WEE1: variants seen among roughly 807,000 people sequenced by gnomAD.
WEE1 encodes the protein wee1-like protein kinase.
A neutral mutation model predicts 68.8 loss-of-function variants in WEE1; 16 were observed. That is an observed-to-expected ratio of 0.23 (90% confidence interval 0.16 to 0.35). The LOEUF (loss-of-function observed/expected upper bound fraction) is 0.35. Ranked by LOEUF, WEE1 falls within the 10% of genes least tolerant of loss-of-function variation. WEE1 has a pLI of 1.00. For synonymous variants in WEE1, 349 were observed against 318.7 expected, an observed-to-expected ratio of 1.09 and a Z score of -1.01; for missense variants, 651 against 824.1, an observed-to-expected ratio of 0.79 and a Z score of 2.57.
chr11:9,581,797 C>CCTTA, intron 6 of WEE1, 119 bp downstream of exon 6: 3 of 1,005,964 alleles, frequency 3.0e-6, no homozygotes, highest in Non-Finnish European at 4.2e-6. Flanking sequence ...TTTTAAAAGG[C>CCTTA]CTTAGATCCA....
chr11:9,577,357 TTTATC>T (rs1429865685), intron 5 of WEE1, 94 bp downstream of exon 5: 37 of 1,437,576 alleles, frequency 2.6e-5, no homozygotes, highest in Non-Finnish European at 3.3e-5. Flanking sequence ...TTCTGTCACT[TTTATC>T]TTTTATAAAT....
rs1476986544 is a variant in WEE1 at position 9,574,801 on chromosome 11, A to C, written c.576+292A>C. ...GAGTCCGGGCCGCCCCGAGCGTGTC[A>C]GCCCCGAGTGCGGCACCGATAACGC... On this transcript the variant is annotated intron_variant, in intron 1 of 10. Coordinates refer to ENST00000450114, the MANE Select transcript of WEE1 (RefSeq NM_003390.4). The surrounding 1 kb of genome is among the most constrained non-coding windows in gnomAD (Gnocchi z 4.9). 5.0e-6 allele frequency: 5 copies of C among 1,002,902 alleles called. No individual in the cohort carries two copies. Among genetic ancestry groups the C allele is most frequent in the African/African-American group, 1.7e-5 (1 of 57,910 alleles). 62.1% of individuals were successfully genotyped at this position (1,002,902 alleles called of 1,614,324 possible).
chr11:9,575,847 C>T, intron 1 of WEE1, 41 bp from the exon 2 acceptor site: 1 of 1,587,350 alleles, frequency 6.3e-7, no homozygotes, highest in Non-Finnish European at 8.6e-7. Context: ...GACTATAGGA[C>T]TTGGATCCTA....
intron 5 of WEE1, chr11:9,581,006 T>C (rs1157443268): frequency 6.6e-6 from 1 of 152,352 alleles, no homozygotes; most frequent in Non-Finnish European, 1.5e-5. Flanking sequence ...TGCCGATCTA[T>C]GTTGAGCATC....
chr11:9,577,074 A>G, intron 4 of WEE1, 68 bp from the exon 5 acceptor site: 4 of 1,503,932 alleles, frequency 2.7e-6, no homozygotes, highest in Non-Finnish European at 3.6e-6. Flanking sequence ...GAAGTTTCAG[A>G]TAAATTAATT....
Position 9,588,865 on chromosome 11 carries a change from T to G in WEE1, c.*263T>G, listed in dbSNP as rs1000740651. 21 of 1,059,588 alleles carry G rather than the reference T, an allele frequency of 2.0e-5. No homozygotes were observed. Among genetic ancestry groups the G allele is most frequent in the Non-Finnish European group, 2.4e-5 (21 of 876,512 alleles). The allele number at this position is 1,059,588 out of a possible 1,614,324, so 65.6% of individuals were successfully genotyped here. A position where few individuals can be genotyped will look rare whatever the true frequency, so the allele number is the denominator to read the frequency against. On this transcript the variant is annotated 3_prime_UTR_variant, in exon 11 of 11. Transcript: ENST00000450114. ...TTTCCAGGGTTAACCACTGTGGTGG[T>G]GTGCTGCTTATAGTTTGCTGTTGCA...
chr11:9,578,899 A>ATTTATTTT (rs1849593676), intron 5 of WEE1: 2 of 149,176 alleles, frequency 1.3e-5, no homozygotes, highest in Non-Finnish European at 3.0e-5. Flanking sequence ...TTATTTATTT[A>ATTTATTTT]TTTATTTATT....
At chr11:9,583,758 C>T (rs1331102387) in intron 6 of WEE1, among the ~76,000 whole-genome samples, 3 of 10,594 alleles carry the variant, frequency 2.8e-4, no homozygotes, top group Non-Finnish European at 4.3e-4. Context: ...CGTGCACGCG[C>T]GCGCACACAC....
intron 6 of WEE1, among the ~76,000 whole-genome samples, chr11:9,583,824 T>C (rs1343778081): frequency 2.7e-3 from 97 of 35,912 alleles, no homozygotes; most frequent in Non-Finnish European, 5.1e-3. Flanking sequence ...TATATATATA[T>C]ATATATATAT....
At position 9,574,627 on chromosome 11, in the gene WEE1, C is replaced by T. The variant is rs1311412652; in HGVS notation, c.576+118C>T. 7 of 1,118,616 alleles carry T rather than the reference C, an allele frequency of 6.3e-6. No individual in the cohort carries two copies. The highest frequency in any genetic ancestry group is 8.8e-5 in the South Asian group (2 of 22,702). The allele number at this position is 1,118,616 out of a possible 1,614,324, so 69.3% of individuals were successfully genotyped here. ...CCGCTCCCCCCTCGCTTTCCTGCGC[C>T]GCCCCCCAAAGTTGGCAGCCCTTGT... On this transcript the variant is annotated intron_variant, in intron 1 of 10. Coordinates refer to ENST00000450114, the MANE Select transcript of WEE1 (RefSeq NM_003390.4). The surrounding 1 kb of genome is among the most constrained non-coding windows in gnomAD (Gnocchi z 4.9).
At position 9,574,841 on chromosome 11, in the gene WEE1, C is replaced by T. The variant is rs1312481713; in HGVS notation, c.576+332C>T. ...ACCGATAACGCGGTTCGCGAGGATG[C>T]TGGAGGGTGCCGGCCCGGCCACCTG... On this transcript the variant is annotated intron_variant, in intron 1 of 10. Coordinates refer to ENST00000450114, the MANE Select transcript of WEE1 (RefSeq NM_003390.4). The surrounding 1 kb of genome is among the most constrained non-coding windows in gnomAD (Gnocchi z 4.9). 2 of 991,544 alleles carry T rather than the reference C, an allele frequency of 2.0e-6. No homozygotes were observed. The highest frequency in any genetic ancestry group is 2.2e-4 in the East Asian group (2 of 9,110). The allele number at this position is 991,544 out of a possible 1,614,324, so 61.4% of individuals were successfully genotyped here.
At chr11:9,581,764 A>G (rs1282155325) in intron 6 of WEE1, 86 bp downstream of exon 6, 2 of 1,337,796 alleles carry the variant, frequency 1.5e-6, no homozygotes, top group Non-Finnish European at 1.0e-6. Flanking sequence ...AAAAATATAT[A>G]TCTTCTGTTT....
At chr11:9,577,919 A>C (rs983296395) in intron 5 of WEE1, 1 of 455,980 alleles carries the variant, frequency 2.2e-6, no homozygotes, top group Non-Finnish European at 4.4e-6. Context: ...GGGCCGACTT[A>C]TGTCTCTCCT....
rs1849534084 is a variant in WEE1, at chr11:9,574,009, A to C, written c.76A>C (p.Ile26Leu). 2.1e-5 allele frequency: 27 copies of C among 1,287,222 alleles called. No homozygotes were observed. The highest frequency in any genetic ancestry group is 2.3e-5 in the Non-Finnish European group (23 of 1,016,590). The allele number at this position is 1,287,222 out of a possible 1,614,324, so 79.7% of individuals were successfully genotyped here. Residue 26 changes from isoleucine (I) to leucine (L), a missense_variant, in exon 1 of 11, where the codon ATC becomes CTC. Physicochemically the swap from Ile to Leu is conservative, Grantham distance 5. Coordinates refer to ENST00000450114, the MANE Select transcript of WEE1 (RefSeq NM_003390.4). The surrounding 1 kb of genome is among the most constrained non-coding windows in gnomAD (Gnocchi z 4.9). ...GGCCTGCACCTTGCGGCAGAAGCTG[A>C]TCTTCTCGCCCTGCAGCGACTGTGA... ...GAACTLRQKL[I>L]FSPCSDCEEE...
intron 6 of WEE1, among the ~76,000 whole-genome samples, chr11:9,583,798 C>CATAT (rs1849666060): frequency 9.0e-5 from 2 of 22,206 alleles, no homozygotes; most frequent in African/African-American, 2.0e-4. Context: ...CACACACACA[C>CATAT]ACACATATAT....
At chr11:9,584,366 G>A (rs1465694393) in intron 6 of WEE1, among the ~76,000 whole-genome samples, 2 of 151,896 alleles carry the variant, frequency 1.3e-5, no homozygotes, top group African/African-American at 2.4e-5. Flanking sequence ...GGCTGGTCTC[G>A]AATTCCAAGT....
At chr11:9,577,532 T>C (rs1434523661) in intron 5 of WEE1, 4 of 398,054 alleles carry the variant, frequency 1.0e-5, no homozygotes, top group South Asian at 7.5e-5. Flanking sequence ...TCGACACATA[T>C]ATTTTGGTGT....
chr11:9,584,363 C>T (rs572022619), intron 6 of WEE1, among the ~76,000 whole-genome samples: 7 of 152,166 alleles, frequency 4.6e-5, no homozygotes, highest in African/African-American at 1.4e-4. Context: ...CCAGGCTGGT[C>T]TCGAATTCCA....
chr11:9,574,493 C>T lies in WEE1; in HGVS notation c.560C>T (p.Thr187Ile). 8.0e-7 allele frequency: 1 copy of T among 1,254,250 alleles called. No homozygotes were observed. The allele number at this position is 1,254,250 out of a possible 1,614,324, so 77.7% of individuals were successfully genotyped here. ...KTFRKLRLFD[T>I]PHTPKSLLSK... ...TTCCGCAAGCTGCGACTCTTCGACA[C>T]CCCGCACACGCCCAAGGTGAGAGCG... The change falls in exon 1 of 11, where the codon ACC becomes ATC. Residue 187 changes from threonine (T) to isoleucine (I), a missense_variant. Thr to Ile is a moderately conservative substitution (Grantham distance 89). Transcript: ENST00000450114. The surrounding 1 kb of genome is among the most constrained non-coding windows in gnomAD (Gnocchi z 4.9).
Sources: gnomAD v4.1 joint callset for allele counts (sites outside exome capture counted in the v4.1 genomes callset) on GRCh38, gnomAD v4.1.1 for gene constraint, Gnocchi (gnomAD v3.1) non-coding constraint, MANE v1.5 for transcripts, NCBI Gene and HGNC (gene_info 2026-07-23, HGNC 2026-07-21) for gene names.